Variants in MYO1B observed in about 807,000 individuals in gnomAD.
The protein encoded by MYO1B is myosin IB.
A neutral mutation model predicts 159.7 loss-of-function variants in MYO1B; 72 were observed. The ratio of observed to expected loss-of-function variants is 0.45; its 90% CI spans 0.37 to 0.55. The LOEUF (loss-of-function observed/expected upper bound fraction) is 0.55. Ranked by LOEUF, MYO1B falls within the 20% of genes least tolerant of loss-of-function variation. MYO1B has a pLI of 0.00. For missense variants in MYO1B, 1,062 were observed against 1,364.8 expected (o/e 0.78, Z 3.50); for synonymous variants, 468 against 473.8 (o/e 0.99, Z 0.16).
At chr2:191,359,767 C>T (rs1296779108) in intron 7 of MYO1B, among the ~76,000 whole-genome samples, 1 of 152,128 alleles carries the variant, frequency 6.6e-6, no homozygotes, top group South Asian at 2.1e-4. Flanking sequence ...AATTAGTGCT[C>T]AATAATGACA....
chr2:191,260,498 T>C (rs1001906364), intron 1 of MYO1B, among the ~76,000 whole-genome samples: 4 of 151,988 alleles, frequency 2.6e-5, no homozygotes, highest in African/African-American at 9.7e-5. Flanking sequence ...ATCAATATCA[T>C]TTTTACACAA....
At chr2:191,253,658 C>T (rs918951898) in intron 1 of MYO1B, among the ~76,000 whole-genome samples, 1 of 152,162 alleles carries the variant, frequency 6.6e-6, no homozygotes, top group Non-Finnish European at 1.5e-5. Flanking sequence ...TTGGAATTCC[C>T]ACAAAATTCC....
At chr2:191,400,511 G>C in intron 22 of MYO1B, 43 bp downstream of exon 22, 1 of 1,599,430 alleles carries the variant, frequency 6.3e-7, no homozygotes, top group Non-Finnish European at 8.6e-7. Flanking sequence ...CAGCAGTAAC[G>C]TCATGTGGAA....
intron 11 of MYO1B, among the ~76,000 whole-genome samples, chr2:191,367,214 A>G (rs1009002003): frequency 6.6e-6 from 1 of 152,070 alleles, no homozygotes; most frequent in Non-Finnish European, 1.5e-5. Context: ...TCCTTCCCTT[A>G]CTGCTTTATA....
chr2:191,254,879 GT>G (rs1686342925), intron 1 of MYO1B, among the ~76,000 whole-genome samples: 1 of 152,156 alleles, frequency 6.6e-6, no homozygotes, highest in South Asian at 2.1e-4. Flanking sequence ...CTCATCAAAT[GT>G]TTAGGTGCCT....
Position 191,319,878 on chromosome 2 carries a change from T to A in MYO1B, c.252-10057T>A, listed in dbSNP as rs535044160. The stretch of plus-strand genomic sequence containing the variant: ...GCTACAAGGGGGACAAGATTAGGAA[T>A]GGAGAAGGAGTCATGGTAATGAAAA... On this transcript the variant is annotated intron_variant, in intron 3 of 30. Coordinates refer to ENST00000392318, the MANE Select transcript of MYO1B (RefSeq NM_001130158.3). Among the ~76,000 whole-genome samples, 17 of 152,280 alleles carry A rather than the reference T, an allele frequency of 1.1e-4. No individual in the cohort carries two copies. The South Asian group carries it at 3.5e-3, about 32-fold the overall frequency.
intron 24 of MYO1B, among the ~76,000 whole-genome samples, chr2:191,405,000 A>G (rs1022341992): frequency 2.0e-5 from 3 of 152,160 alleles, no homozygotes; most frequent in Non-Finnish European, 4.4e-5. Context: ...TCTGTATAGC[A>G]TATGTTGGCA....
chr2:191,384,328 G>A (rs1324925676), intron 15 of MYO1B, among the ~76,000 whole-genome samples: 2 of 152,192 alleles, frequency 1.3e-5, no homozygotes, highest in African/African-American at 4.8e-5. Flanking sequence ...AGTGAGATGA[G>A]TGCTGTGTTT....
chr2:191,296,913 T>G (rs1263104311), intron 3 of MYO1B, among the ~76,000 whole-genome samples: 2 of 152,218 alleles, frequency 1.3e-5, no homozygotes, highest in Non-Finnish European at 2.9e-5. Flanking sequence ...CTGGAAAAGT[T>G]TGCCTGGATT....
At chr2:191,356,960 G>C (rs1693333022) in intron 7 of MYO1B, among the ~76,000 whole-genome samples, 1 of 152,202 alleles carries the variant, frequency 6.6e-6, no homozygotes, top group Non-Finnish European at 1.5e-5. Flanking sequence ...CAGTTTGAGT[G>C]ATAGCCTTTC....
At chr2:191,246,846 AAC>A (rs1350262033) in intron 1 of MYO1B, among the ~76,000 whole-genome samples, 2 of 152,192 alleles carry the variant, frequency 1.3e-5, no homozygotes, top group Non-Finnish European at 2.9e-5. Flanking sequence ...TGTCCCAGGA[AAC>A]ACACCACACA....
chr2:191,422,360 T>C (rs1034710361), intron 30 of MYO1B, among the ~76,000 whole-genome samples: 2 of 152,158 alleles, frequency 1.3e-5, no homozygotes, highest in South Asian at 2.1e-4. Flanking sequence ...TCTCATCATA[T>C]ACAGTTGGGG....
rs550159822 is a variant in MYO1B, at chr2:191,340,524, A to G, written c.347-937A>G. Among the ~76,000 whole-genome samples the G allele has an allele frequency of 9.8e-5, 15 of 152,292 alleles. No homozygotes were observed. In the South Asian group the frequency reaches 3.1e-3, roughly 32 times the overall value. The stretch of plus-strand genomic sequence containing the variant: ...CCCCAGTTTGAGCTAAAAAATTTTT[A>G]GGTGGTTTTATCCTTTGCCTCATGT... On this transcript the variant is annotated intron_variant, in intron 4 of 30. Transcript: ENST00000392318.
intron 5 of MYO1B, among the ~76,000 whole-genome samples, chr2:191,342,880 G>A (rs1398974329): frequency 6.6e-6 from 1 of 151,146 alleles, no homozygotes; most frequent in Non-Finnish European, 1.5e-5. Context: ...GTTTTATATT[G>A]TAAGCGACAG....
intron 20 of MYO1B, 109 bp from the exon 21 acceptor site, chr2:191,396,320 A>G: frequency 1.8e-6 from 2 of 1,098,722 alleles, no homozygotes; most frequent in Admixed American, 1.8e-5. Context: ...CAGAAGGAGT[A>G]TGGATAATTG....
At chr2:191,337,424 A>G (rs1691925793) in intron 4 of MYO1B, among the ~76,000 whole-genome samples, 4 of 152,218 alleles carry the variant, frequency 2.6e-5, no homozygotes, top group African/African-American at 2.4e-5. Context: ...TTAAACTGTC[A>G]TCTGTACTTC....
chr2:191,249,205 T>A (rs1685969320), intron 1 of MYO1B, among the ~76,000 whole-genome samples: 1 of 152,218 alleles, frequency 6.6e-6, no homozygotes, highest in Admixed American at 6.5e-5. Flanking sequence ...TGAGACCCGA[T>A]GCCAGAGTGT....
intron 1 of MYO1B, among the ~76,000 whole-genome samples, chr2:191,264,800 G>A (rs1234085189): frequency 6.6e-6 from 1 of 151,244 alleles, no homozygotes; most frequent in East Asian, 1.9e-4. Context: ...TAGGATGCAT[G>A]CTCATCCCAG....
chr2:191,349,425 C>T (rs1692774194), intron 6 of MYO1B, among the ~76,000 whole-genome samples: 2 of 152,156 alleles, frequency 1.3e-5, no homozygotes, highest in African/African-American at 4.8e-5. Context: ...AAAGACTTTA[C>T]TTATTAGATC....
Sources: allele counts gnomAD v4.1 joint callset (sites outside exome capture counted in the v4.1 genomes callset), GRCh38; gene constraint gnomAD v4.1.1; transcripts MANE v1.5; gene names NCBI Gene and HGNC (gene_info 2026-07-23, HGNC 2026-07-21).